Variants in SDK1 observed in about 807,000 individuals in gnomAD.
The protein encoded by SDK1 is sidekick cell adhesion molecule 1.
SDK1 carries 157 observed loss-of-function variants against 245.5 expected under a neutral mutation model. The observed-to-expected ratio is 0.64, with a 90% CI of 0.56 to 0.73. The LOEUF is 0.73. SDK1 is among the 30% of genes least tolerant of loss of function. The pLI is 0.00. For synonymous variants in SDK1, 1,647 were observed against 1,278.5 expected, an observed-to-expected ratio of 1.29 and a Z score of -6.15; for missense variants, 3,583 against 3,002.3, an observed-to-expected ratio of 1.19 and a Z score of -4.52.
At chr7:3,854,040 GATGCTCA>G (rs1424086543) in intron 5 of SDK1, among the ~76,000 whole-genome samples, 1 of 152,070 alleles carries the variant, frequency 6.6e-6, no homozygotes, top group Non-Finnish European at 1.5e-5. Flanking sequence ...TTAGATTAGG[GATGCTCA>G]ACCTGTATTT....
At chr7:4,002,549 C>T (rs1785149503) in intron 14 of SDK1, among the ~76,000 whole-genome samples, 1 of 147,536 alleles carries the variant, frequency 6.8e-6, no homozygotes, top group Non-Finnish European at 1.5e-5. Context: ...AAAACAAGAA[C>T]TGCAGTATGG....
intron 34 of SDK1, among the ~76,000 whole-genome samples, chr7:4,177,251 C>T (rs628003): frequency 0.64 from 96,553 of 151,940 alleles, 31,157 homozygotes; most frequent in East Asian, 0.72. Flanking sequence ...AATTTGCAGG[C>T]CCAAGCACAC....
chr7:3,932,758 C>G (rs1208969779), intron 5 of SDK1, among the ~76,000 whole-genome samples: 1 of 152,198 alleles, frequency 6.6e-6, no homozygotes, highest in East Asian at 1.9e-4. Context: ...GCCTTGTTTT[C>G]TCTGCTCCTG....
chr7:3,969,896 T>C (rs983012977), intron 11 of SDK1, among the ~76,000 whole-genome samples: 1 of 152,234 alleles, frequency 6.6e-6, no homozygotes, highest in African/African-American at 2.4e-5. Context: ...TGCTAAACAA[T>C]TGTTAGGAAC....
At chr7:3,932,999 C>T (rs1780031904) in intron 5 of SDK1, among the ~76,000 whole-genome samples, 1 of 152,074 alleles carries the variant, frequency 6.6e-6, no homozygotes, top group South Asian at 2.1e-4. Flanking sequence ...CAGAACCTGC[C>T]CTGGGGGCAG....
intron 5 of SDK1, among the ~76,000 whole-genome samples, chr7:3,925,263 T>C (rs1411834011): frequency 6.6e-6 from 1 of 152,136 alleles, no homozygotes; most frequent in Admixed American, 6.5e-5. Context: ...GGAAGAACCT[T>C]TGATAAGCTG....
At chr7:3,319,101 G>A (rs1290202561) in intron 1 of SDK1, among the ~76,000 whole-genome samples, 3 of 152,164 alleles carry the variant, frequency 2.0e-5, no homozygotes, top group African/African-American at 7.2e-5. Flanking sequence ...GACAACTCTG[G>A]CAGTGGGGCC....
At chr7:3,388,390 A>T (rs886107895) in intron 1 of SDK1, among the ~76,000 whole-genome samples, 3 of 133,342 alleles carry the variant, frequency 2.2e-5, no homozygotes, top group Admixed American at 7.3e-5. Context: ...ATTGAAGATT[A>T]AAAAAAAAAA....
At chr7:3,797,507 C>T (rs922628126) in intron 4 of SDK1, among the ~76,000 whole-genome samples, 7 of 150,318 alleles carry the variant, frequency 4.7e-5, no homozygotes, top group African/African-American at 9.8e-5. Context: ...TTTTTATTGC[C>T]GATGTTTTAA....
intron 1 of SDK1, among the ~76,000 whole-genome samples, chr7:3,538,710 A>G (rs1338946342): frequency 6.6e-6 from 1 of 152,194 alleles, no homozygotes; most frequent in Non-Finnish European, 1.5e-5. Flanking sequence ...GGCTTAGGGC[A>G]CAGGAGTTTA....
At chr7:3,330,560 A>G (rs748255723) in intron 1 of SDK1, among the ~76,000 whole-genome samples, 2 of 152,150 alleles carry the variant, frequency 1.3e-5, no homozygotes, top group Non-Finnish European at 2.9e-5. Context: ...TTGTTTTGTC[A>G]TGTGATGCGT....
chr7:4,268,288 C>A lies in SDK1; in HGVS notation c.*2904C>A. 9.8e-7 allele frequency: 1 copy of A among 1,024,828 alleles called. No homozygotes were observed. The highest frequency in any genetic ancestry group is 1.2e-6 in the Non-Finnish European group (1 of 853,394). The allele number at this position is 1,024,828 out of a possible 1,614,324, so 63.5% of individuals were successfully genotyped here. On this transcript the variant is annotated 3_prime_UTR_variant, in exon 45 of 45. Coordinates refer to ENST00000404826, the MANE Select transcript of SDK1 (RefSeq NM_152744.4). ...CCACAGGGATGGGTGTGCAGAGCTC[C>A]CTCCTCCTGGGGTGCCAGGGCAGAG...
chr7:3,731,948 C>T (rs184175408), intron 4 of SDK1, among the ~76,000 whole-genome samples: 95 of 152,242 alleles, frequency 6.2e-4, no homozygotes, highest in African/African-American at 1.7e-3. Context: ...CCCACCACCA[C>T]GCCTAGATAA....
chr7:4,111,779 A>G (rs753929724), intron 23 of SDK1, among the ~76,000 whole-genome samples: 2 of 152,264 alleles, frequency 1.3e-5, no homozygotes, highest in Non-Finnish European at 2.9e-5. Context: ...GGAAACCTCT[A>G]TAGTAAATGT....
In SDK1 at chr7:3,775,226, C is replaced by G. The variant is rs896909673; in HGVS notation, c.714-46224C>G. Among the ~76,000 whole-genome samples, 3 of 152,246 alleles carry G rather than the reference C, an allele frequency of 2.0e-5. No homozygotes were observed. In the East Asian group the frequency reaches 5.8e-4, roughly 29 times the overall value. On this transcript the variant is annotated intron_variant, in intron 4 of 44. Coordinates refer to ENST00000404826, the MANE Select transcript of SDK1 (RefSeq NM_152744.4). ...TAGTTTAAGGTGTTTGGTTTTTGAG[C>G]TCCTAATAGTCTTTCTTCACTATTT...
rs546605586 is a variant in SDK1, at chr7:3,672,694, A to G, written c.713+30589A>G. Among the ~76,000 whole-genome samples the G allele has an allele frequency of 2.1e-3, 291 of 137,292 alleles. 2 individuals carry two copies. Among genetic ancestry groups the G allele is most frequent in the African/African-American group, 7.4e-3 (276 of 37,236 alleles). The allele number at this position is 137,292 out of a possible 152,430, so 90.1% of individuals were successfully genotyped here. A position where few individuals can be genotyped will look rare whatever the true frequency, so the allele number is the denominator to read the frequency against. Reference sequence around the variant, plus strand: ...ATAAATTTGTTATTAAATAAAATTTATATTAAATAAAAATTAAATTTATAT... The same window carrying G: ...ATAAATTTGTTATTAAATAAAATTTGTATTAAATAAAAATTAAATTTATAT... On this transcript the variant is annotated intron_variant, in intron 4 of 44. Transcript: ENST00000404826.
At chr7:4,241,146 G>T (rs1177454341) in intron 42 of SDK1, among the ~76,000 whole-genome samples, 1 of 152,114 alleles carries the variant, frequency 6.6e-6, no homozygotes, top group Non-Finnish European at 1.5e-5. Context: ...CGGTTCAGTG[G>T]TGAACGCACA....
intron 41 of SDK1, among the ~76,000 whole-genome samples, chr7:4,236,096 GTTC>G (rs796376821): frequency 1.8e-4 from 27 of 152,370 alleles, no homozygotes; most frequent in African/African-American, 4.8e-4. Context: ...CCGATTCCCT[GTTC>G]TTCTTCCCGG....
At position 3,959,023 on chromosome 7, in the gene SDK1, A is replaced by G. The variant is rs375336055; in HGVS notation, c.1234+9A>G. 1 of 1,604,634 alleles carries G rather than the reference A, an allele frequency of 6.2e-7. No individual in the cohort carries two copies. The highest frequency in any genetic ancestry group is 1.1e-5 in the South Asian group (1 of 90,760). Reference sequence around the variant, plus strand: ...CGGATGTCAAGCCATGGGTGAGTGCAGAGTGGCTGCTGGACAAGGAGCCAT... The same window carrying G: ...CGGATGTCAAGCCATGGGTGAGTGCGGAGTGGCTGCTGGACAAGGAGCCAT... On this transcript the variant is annotated intron_variant, in intron 8 of 44. Transcript: ENST00000404826.
Sources: gnomAD v4.1 joint callset for allele counts (sites outside exome capture counted in the v4.1 genomes callset) on GRCh38, gnomAD v4.1.1 for gene constraint, MANE v1.5 for transcripts, NCBI Gene and HGNC (gene_info 2026-07-23, HGNC 2026-07-21) for gene names.